The following EFCAB11 variants were observed in gnomAD, a reference collection of about 807,000 sequenced individuals.
The protein encoded by EFCAB11 is EF-hand calcium-binding domain-containing protein 11.
In EFCAB11, 14 loss-of-function variants were observed where a neutral mutation model predicts 23.0. The ratio of observed to expected loss-of-function variants is 0.61; its 90% CI spans 0.40 to 0.95. The LOEUF (loss-of-function observed/expected upper bound fraction) is 0.95. Ranked by LOEUF, EFCAB11 falls within the 40% of genes least tolerant of loss-of-function variation. The probability of loss-of-function intolerance (pLI) is 0.00; values close to 1 mark genes in which losing one functional copy is unlikely to be tolerated. For synonymous variants in EFCAB11, 65 were observed against 66.6 expected (o/e 0.98, Z 0.11); for missense variants, 198 against 195.8 (o/e 1.01, Z -0.07).
Position 89,939,277 on chromosome 14 carries a change from TA to T in EFCAB11, c.218-6651del, listed in dbSNP as rs60362204. On this transcript the variant is annotated intron_variant, in intron 3 of 5. Transcript: ENST00000316738. ...CTATATTCCTTGCTGTTGCAGAGGTTAAAAAAAAAAAGTAAAAATCCAAGAA... is the reference window on the plus strand; with the variant it reads ...CTATATTCCTTGCTGTTGCAGAGGTTAAAAAAAAAAGTAAAAATCCAAGAA... Among the ~76,000 whole-genome samples the T allele has an allele frequency of 2.1e-3, 315 of 147,086 alleles. 1 individual carries two copies. Among genetic ancestry groups the T allele is most frequent in the African/African-American group, 5.3e-3 (215 of 40,514 alleles).
At chr14:89,930,859 T>C (rs753220927) in intron 5 of EFCAB11, among the ~76,000 whole-genome samples, 1 of 152,218 alleles carries the variant, frequency 6.6e-6, no homozygotes, top group Non-Finnish European at 1.5e-5. Flanking sequence ...ACAGGGTTGA[T>C]GAAGAGCTCA....
intron 5 of EFCAB11, chr14:89,924,469 TGCCAACTGACAG>T: frequency 7.2e-7 from 1 of 1,380,058 alleles, no homozygotes; most frequent in Non-Finnish European, 9.4e-7. Context: ...CAGAGCTTTT[TGCCAACTGACAG>T]GTGGTGGGAA....
intron 3 of EFCAB11, among the ~76,000 whole-genome samples, chr14:89,936,055 G>A (rs1360579307): frequency 6.6e-6 from 1 of 151,154 alleles, no homozygotes; most frequent in African/African-American, 2.5e-5. Context: ...TTATAACTCT[G>A]TAAATGAATG....
chr14:89,864,387 T>C (rs1055583489), intron 5 of EFCAB11, among the ~76,000 whole-genome samples: 15 of 152,132 alleles, frequency 9.9e-5, no homozygotes, highest in Non-Finnish European at 1.8e-4. Context: ...TGCCCATGTT[T>C]CTTTCTCTTT....
chr14:89,930,259 T>C (rs1890344271), intron 5 of EFCAB11, among the ~76,000 whole-genome samples: 1 of 152,234 alleles, frequency 6.6e-6, no homozygotes, highest in African/African-American at 2.4e-5. Context: ...CTGCAAATCT[T>C]CATTCAAATA....
At chr14:89,914,950 G>A (rs1327285092) in intron 5 of EFCAB11, among the ~76,000 whole-genome samples, 1 of 151,812 alleles carries the variant, frequency 6.6e-6, no homozygotes, top group Non-Finnish European at 1.5e-5. Flanking sequence ...AACAGTAAAG[G>A]GTTAAACAAA....
At chr14:89,833,876 T>C (rs1300399164) in intron 5 of EFCAB11, among the ~76,000 whole-genome samples, 1 of 152,182 alleles carries the variant, frequency 6.6e-6, no homozygotes, top group African/African-American at 2.4e-5. Context: ...AATGAAATGA[T>C]GGTGTGGGGA....
At chr14:89,869,329 A>G (rs1888194895) in intron 5 of EFCAB11, among the ~76,000 whole-genome samples, 1 of 152,224 alleles carries the variant, frequency 6.6e-6, no homozygotes, top group South Asian at 2.1e-4. Flanking sequence ...GTTTTGCTGA[A>G]AAGTAGTAGC....
intron 5 of EFCAB11, among the ~76,000 whole-genome samples, chr14:89,922,372 C>A (rs527576939): frequency 6.6e-6 from 1 of 152,154 alleles, no homozygotes; most frequent in Non-Finnish European, 1.5e-5. Flanking sequence ...AAGGAGACGG[C>A]CATGCCATTC....
intron 3 of EFCAB11, among the ~76,000 whole-genome samples, chr14:89,935,058 G>T (rs7144865): frequency 0.11 from 17,368 of 152,076 alleles, 2,346 homozygotes; most frequent in African/African-American, 0.33. Context: ...GTGAATATTT[G>T]TATCTCCTTC....
chr14:89,843,044 T>C (rs576183987), intron 5 of EFCAB11, among the ~76,000 whole-genome samples: 1 of 152,278 alleles, frequency 6.6e-6, no homozygotes, highest in East Asian at 1.9e-4. Flanking sequence ...TCTATTTAGC[T>C]GTAGATGACT....
chr14:89,806,037 T>C (rs1222421903), intron 5 of EFCAB11, among the ~76,000 whole-genome samples: 1 of 152,186 alleles, frequency 6.6e-6, no homozygotes, highest in East Asian at 1.9e-4. Context: ...CTGTTTATGG[T>C]GCCTTGTGAT....
chr14:89,859,869 T>C (rs1887867272), intron 5 of EFCAB11, among the ~76,000 whole-genome samples: 1 of 152,160 alleles, frequency 6.6e-6, no homozygotes, highest in African/African-American at 2.4e-5. Flanking sequence ...AGACAGAATA[T>C]ATAGTATAGC....
intron 5 of EFCAB11, among the ~76,000 whole-genome samples, chr14:89,871,472 G>A (rs1888266734): frequency 6.6e-6 from 1 of 152,126 alleles, no homozygotes; most frequent in South Asian, 2.1e-4. Flanking sequence ...CCTGCCTGGA[G>A]GAGAGGTAGC....
At chr14:89,950,193 A>G in intron 2 of EFCAB11, 51 bp from the exon 3 acceptor site, 1 of 1,504,636 alleles carries the variant, frequency 6.6e-7, no homozygotes, top group South Asian at 1.2e-5. Flanking sequence ...ACGTTTTCAC[A>G]GTGCAAGTTC....
At chr14:89,910,572 G>A (rs1290085397) in intron 5 of EFCAB11, among the ~76,000 whole-genome samples, 1 of 151,878 alleles carries the variant, frequency 6.6e-6, no homozygotes, top group East Asian at 1.9e-4. Flanking sequence ...ACTCCAGCCT[G>A]GGCAACAGAA....
intron 5 of EFCAB11, among the ~76,000 whole-genome samples, chr14:89,800,188 T>TAA (rs71107562): frequency 1.3e-5 from 2 of 150,010 alleles, no homozygotes; most frequent in South Asian, 2.1e-4. Flanking sequence ...CTCAATCTCG[T>TAA]AAACAAACAA....
chr14:89,894,605 C>A (rs891296211), intron 5 of EFCAB11, among the ~76,000 whole-genome samples: 6 of 152,170 alleles, frequency 3.9e-5, no homozygotes, highest in African/African-American at 1.4e-4. Context: ...ATATTGAAAT[C>A]TTTCCCTTTG....
chr14:89,869,086 C>G (rs1888187644), intron 5 of EFCAB11, among the ~76,000 whole-genome samples: 1 of 152,020 alleles, frequency 6.6e-6, no homozygotes, highest in Admixed American at 6.6e-5. Flanking sequence ...ATCTGTGTTC[C>G]CAGCTACTTG....
Sources: gnomAD v4.1 joint callset for allele counts (sites outside exome capture counted in the v4.1 genomes callset) on GRCh38, gnomAD v4.1.1 for gene constraint, MANE v1.5 for transcripts, NCBI Gene and HGNC (gene_info 2026-07-23, HGNC 2026-07-21) for gene names.